CTNNA2: variants seen among roughly 807,000 people sequenced by gnomAD.
CTNNA2 encodes catenin alpha-2.
CTNNA2 carries 42 observed loss-of-function variants against 101.0 expected under a neutral mutation model. The observed-to-expected ratio is 0.42, with a 90% CI of 0.32 to 0.54. The LOEUF is 0.54. Ranked by LOEUF, CTNNA2 falls within the 20% of genes least tolerant of loss-of-function variation. CTNNA2 has a pLI of 0.14. For synonymous variants in CTNNA2, 450 were observed against 456.4 expected (o/e 0.99, Z 0.18); for missense variants, 871 against 1,223.1 (o/e 0.71, Z 4.29).
chr2:80,089,324 C>T (rs1033407499), intron 7 of CTNNA2, among the ~76,000 whole-genome samples: 1 of 151,970 alleles, frequency 6.6e-6, no homozygotes, highest in African/African-American at 2.4e-5. Flanking sequence ...TTGAGGGCTT[C>T]TCTGGAAGCC....
At chr2:79,954,573 C>G (rs1446592803) in intron 7 of CTNNA2, among the ~76,000 whole-genome samples, 1 of 152,142 alleles carries the variant, frequency 6.6e-6, no homozygotes, top group East Asian at 1.9e-4. Flanking sequence ...TAAACCCTTC[C>G]AAGAGCATAA....
rs370616825 is a variant in CTNNA2 at position 80,030,227 on chromosome 2, T to C, written c.1056+120430T>C. On this transcript the variant is annotated intron_variant, in intron 7 of 18. Transcript: ENST00000402739. ...AGACACATTTTTGAGATGAGAATTA[T>C]TGTTAAAAAAAAAAAAAAAGATGTT... Among the ~76,000 whole-genome samples the C allele has an allele frequency of 1.6e-4, 23 of 146,164 alleles. No homozygotes were observed. In the East Asian group the frequency reaches 3.1e-3, roughly 20 times the overall value.
chr2:80,437,720 C>T (rs897671231), intron 9 of CTNNA2, among the ~76,000 whole-genome samples: 12 of 152,200 alleles, frequency 7.9e-5, no homozygotes, highest in South Asian at 6.2e-4. Flanking sequence ...ACACACTGAC[C>T]GGGTGCAGTG....
intron 7 of CTNNA2, among the ~76,000 whole-genome samples, chr2:80,269,769 G>C (rs745344180): frequency 6.6e-6 from 1 of 152,224 alleles, no homozygotes; most frequent in Admixed American, 6.5e-5. Context: ...TGGCAAATAT[G>C]AGTAGTCTTC....
chr2:79,923,370 G>GT (rs1322563267), intron 7 of CTNNA2, among the ~76,000 whole-genome samples: 2 of 151,904 alleles, frequency 1.3e-5, no homozygotes, highest in Non-Finnish European at 2.9e-5. Context: ...TCTGACTTTT[G>GT]TTTTTTTCTG....
At chr2:80,641,904 G>A (rs1673536371) in intron 18 of CTNNA2, among the ~76,000 whole-genome samples, 1 of 151,958 alleles carries the variant, frequency 6.6e-6, no homozygotes, top group Admixed American at 6.6e-5. Context: ...AATATGAAAG[G>A]ACAAAATCAA....
In CTNNA2 at chr2:79,387,708, G is replaced by A. The variant is rs561138406; in HGVS notation, c.-135+13695G>A. Among the ~76,000 whole-genome samples, 8 of 146,984 alleles carry A rather than the reference G, an allele frequency of 5.4e-5. No individual in the cohort carries two copies. In the South Asian group the frequency reaches 1.7e-3, roughly 30 times the overall value. On this transcript the variant is annotated intron_variant, in intron 4 of 21. Transcript: ENST00000466387. ...GTGGGAACTCTATCCAAAGAAAGCAGAACTCCAAAACCTGGCGGCAGAGCT... is the reference window on the plus strand; with the variant it reads ...GTGGGAACTCTATCCAAAGAAAGCAAAACTCCAAAACCTGGCGGCAGAGCT...
chr2:80,236,400 G>A (rs993445529), intron 7 of CTNNA2, among the ~76,000 whole-genome samples: 1 of 152,184 alleles, frequency 6.6e-6, no homozygotes, highest in Non-Finnish European at 1.5e-5. Context: ...CAAGAGAGTT[G>A]ACGTTATTGG....
rs146665020 is a variant in CTNNA2, at chr2:79,988,246, T to C, written c.1056+78449T>C. Among the ~76,000 whole-genome samples the C allele has an allele frequency of 4.1e-3, 625 of 152,290 alleles. 1 individual carries two copies. Among genetic ancestry groups the C allele is most frequent in the African/African-American group, 0.014 (579 of 41,564 alleles). ...CTCATTTTTAAGATAGGATTACTCTTGGTACTTCTGTCATAGGGCACAGGT... is the reference window on the plus strand; with the variant it reads ...CTCATTTTTAAGATAGGATTACTCTCGGTACTTCTGTCATAGGGCACAGGT... On this transcript the variant is annotated intron_variant, in intron 7 of 18. Transcript: ENST00000402739.
chr2:80,137,379 G>A (rs1702752416), intron 7 of CTNNA2, among the ~76,000 whole-genome samples: 1 of 152,128 alleles, frequency 6.6e-6, no homozygotes, highest in Non-Finnish European at 1.5e-5. Context: ...GCTGTTTCAT[G>A]AAGTGGTGAG....
chr2:79,315,274 A>G (rs890263824), intron 3 of CTNNA2, among the ~76,000 whole-genome samples: 9 of 152,220 alleles, frequency 5.9e-5, no homozygotes, highest in Non-Finnish European at 7.3e-5. Flanking sequence ...CTTACAACTT[A>G]TTCATTTAAA....
At chr2:79,957,134 C>T (rs2117290) in intron 7 of CTNNA2, among the ~76,000 whole-genome samples, 43,943 of 151,972 alleles carry the variant, frequency 0.29, 7,003 homozygotes, top group Non-Finnish European at 0.37. Flanking sequence ...GCTTTAAAGG[C>T]TCACATTTGA....
rs565128199 is a variant in CTNNA2, at chr2:80,599,173, CTT to C, written c.2190-4900_2190-4899del. On this transcript the variant is annotated intron_variant, in intron 15 of 18. Transcript: ENST00000402739. ...TAAAAAGTTAAAAATAGAAGACAAA[CTT>C]AAATAAAATTAAACTTAGTTCCTCA... Among the ~76,000 whole-genome samples, 166 of 152,192 alleles carry C rather than the reference CTT, an allele frequency of 1.1e-3. 1 individual carries two copies. The highest frequency in any genetic ancestry group is 3.4e-3 in the African/African-American group (140 of 41,542).
At position 79,834,925 on chromosome 2, in the gene CTNNA2, T is replaced by A. The variant is rs186432421; in HGVS notation, c.299-23088T>A. ...CCTATTCTTAGTCAATATTTAGCAC[T>A]GTTTATTAAACAGTCCATCCACCCC... On this transcript the variant is annotated intron_variant, in intron 3 of 18. Coordinates refer to ENST00000402739, the MANE Select transcript of CTNNA2 (RefSeq NM_001282597.3). 1.3e-4 allele frequency among the ~76,000 whole-genome samples: 20 copies of A among 152,308 alleles called. No individual in the cohort carries two copies. The East Asian group carries it at 3.9e-3, about 29-fold the overall frequency.
At position 79,404,437 on chromosome 2, in the gene CTNNA2, T is replaced by A. The variant is rs545302764; in HGVS notation, c.-135+30424T>A. Among the ~76,000 whole-genome samples, 3 of 152,244 alleles carry A rather than the reference T, an allele frequency of 2.0e-5. No individual in the cohort carries two copies. The East Asian group carries it at 5.8e-4, about 29-fold the overall frequency. ...TCTTCTATTCCTGTTATTCTTTGCT[T>A]TTGGATTTGTTATTGTAAGCTTTTT... On this transcript the variant is annotated intron_variant, in intron 4 of 21. Transcript: ENST00000466387.
intron 18 of CTNNA2, among the ~76,000 whole-genome samples, chr2:80,641,077 C>T (rs536471436): frequency 1.3e-5 from 2 of 152,148 alleles, no homozygotes; most frequent in African/African-American, 2.4e-5. Context: ...CATTATCAAA[C>T]TCATTAGTGT....
intron 1 of CTNNA2, among the ~76,000 whole-genome samples, chr2:79,560,652 A>G (rs187548677): frequency 1.5e-4 from 23 of 152,084 alleles, no homozygotes; most frequent in African/African-American, 5.5e-4. Context: ...TTTCCTAGAA[A>G]AAGCAGATTT....
chr2:79,973,464 G>C (rs1433434523), intron 7 of CTNNA2, among the ~76,000 whole-genome samples: 5 of 152,156 alleles, frequency 3.3e-5, no homozygotes, highest in Non-Finnish European at 7.4e-5. Context: ...GGGTCACACA[G>C]ATGAGGTAAG....
At chr2:79,639,041 ACTTAATATGG>A (rs1337316605) in intron 1 of CTNNA2, among the ~76,000 whole-genome samples, 26 of 152,190 alleles carry the variant, frequency 1.7e-4, no homozygotes, top group Admixed American at 1.7e-3. Flanking sequence ...TGCACAAACT[ACTTAATATGG>A]CTCCATCAAG....
Sources: gnomAD v4.1 joint callset for allele counts (sites outside exome capture counted in the v4.1 genomes callset) on GRCh38, gnomAD v4.1.1 for gene constraint, MANE v1.5 for transcripts, NCBI Gene and HGNC (gene_info 2026-07-23, HGNC 2026-07-21) for gene names.